The following LRRC28 variants were observed in gnomAD, a reference collection of about 807,000 sequenced individuals.
LRRC28 encodes leucine-rich repeat-containing protein 28.
A neutral mutation model predicts 45.7 loss-of-function variants in LRRC28; 39 were observed. The ratio of observed to expected loss-of-function variants is 0.85; its 90% CI spans 0.66 to 1.12. The LOEUF (loss-of-function observed/expected upper bound fraction) is 1.12. Among genes scored for constraint, LRRC28 ranks in the 50% most tolerant of loss-of-function variants. The probability of loss-of-function intolerance (pLI) is 0.00; values close to 1 mark genes in which losing one functional copy is unlikely to be tolerated. For synonymous variants in LRRC28, 206 were observed against 178.8 expected (o/e 1.15, Z -1.22); for missense variants, 435 against 438.5 (o/e 0.99, Z 0.07).
intron 9 of LRRC28, among the ~76,000 whole-genome samples, chr15:99,381,226 T>C (rs138918906): frequency 1.4e-3 from 207 of 152,288 alleles, no homozygotes; most frequent in African/African-American, 4.1e-3. Context: ...AGGCTTTGTT[T>C]GTTTCTTTTT....
At chr15:99,281,285 C>T (rs2081782084) in intron 3 of LRRC28, among the ~76,000 whole-genome samples, 1 of 151,724 alleles carries the variant, frequency 6.6e-6, no homozygotes, top group African/African-American at 2.4e-5. Flanking sequence ...TACATTGTCA[C>T]CCAGGAGTTA....
intron 5 of LRRC28, among the ~76,000 whole-genome samples, chr15:99,319,404 G>A (rs1193350804): frequency 6.6e-6 from 1 of 152,126 alleles, no homozygotes; most frequent in Admixed American, 6.6e-5. Flanking sequence ...CAGACACAAA[G>A]CGATAACAAA....
At chr15:99,298,704 T>C (rs1259439798) in intron 5 of LRRC28, among the ~76,000 whole-genome samples, 1 of 152,024 alleles carries the variant, frequency 6.6e-6, no homozygotes, top group Non-Finnish European at 1.5e-5. Flanking sequence ...AACCTATTAA[T>C]AAGACTTCAG....
Position 99,389,314 on chromosome 15 carries a change from A to G in LRRC28, c.*3212A>G, listed in dbSNP as rs1446201255. 1 of 152,194 alleles carries G rather than the reference A, an allele frequency of 6.6e-6. No individual in the cohort carries two copies. The highest frequency in any genetic ancestry group is 2.4e-5 in the African/African-American group (1 of 41,434). 9.4% of individuals were successfully genotyped at this position (152,194 alleles called of 1,614,324 possible). A position where few individuals can be genotyped will look rare whatever the true frequency, so the allele number is the denominator to read the frequency against. On this transcript the variant is annotated 3_prime_UTR_variant, in exon 10 of 10. Coordinates refer to ENST00000301981, the MANE Select transcript of LRRC28 (RefSeq NM_144598.5). ...TCTAGGGGGAAAAAAAGGCTTCAAT[A>G]CCAGTTGGCTTATGAGGCTCTGCAT...
intron 6 of LRRC28, among the ~76,000 whole-genome samples, chr15:99,337,472 A>T (rs1433347214): frequency 1.3e-5 from 2 of 152,244 alleles, no homozygotes; most frequent in South Asian, 4.1e-4. Context: ...CATTTTCTGC[A>T]TGCACCATGC....
At chr15:99,351,652 C>G (rs1956883070) in intron 6 of LRRC28, among the ~76,000 whole-genome samples, 1 of 152,168 alleles carries the variant, frequency 6.6e-6, no homozygotes, top group African/African-American at 2.4e-5. Context: ...AGTGCCTGAT[C>G]CCTAATCCTC....
chr15:99,371,060 C>G (rs1008173190), intron 9 of LRRC28, among the ~76,000 whole-genome samples: 4 of 151,194 alleles, frequency 2.6e-5, no homozygotes, highest in African/African-American at 9.8e-5. Flanking sequence ...GAGCTGAGAT[C>G]GCGCCACTGC....
intron 7 of LRRC28, among the ~76,000 whole-genome samples, chr15:99,357,089 T>C (rs73464667): frequency 1.7e-3 from 254 of 152,294 alleles, no homozygotes; most frequent in African/African-American, 5.7e-3. Context: ...AGAAAAACTT[T>C]TTTGCTAAAA....
chr15:99,365,254 A>G (rs1370223199), intron 9 of LRRC28, among the ~76,000 whole-genome samples: 3 of 152,248 alleles, frequency 2.0e-5, no homozygotes, highest in South Asian at 2.1e-4. Context: ...TGACTAATCT[A>G]TTGTTTCAGA....
At chr15:99,291,636 T>A (rs1030991862) in intron 5 of LRRC28, among the ~76,000 whole-genome samples, 2 of 152,238 alleles carry the variant, frequency 1.3e-5, no homozygotes, top group Non-Finnish European at 2.9e-5. Context: ...CTGAGACTTG[T>A]CACATGTTAT....
chr15:99,386,194 G>A lies in LRRC28; in HGVS notation c.*92G>A, dbSNP rs926001792. ...TCTTCCATCCTGTCCTGTCCAATGC[G>A]GGGGCACTGCAGAACTCTCTAGAAA... On this transcript the variant is annotated 3_prime_UTR_variant, in exon 10 of 10. Transcript: ENST00000301981. 3.1e-5 allele frequency: 31 copies of A among 988,826 alleles called. No individual in the cohort carries two copies. The highest frequency in any genetic ancestry group is 1.8e-4 in the African/African-American group (11 of 62,678). 61.3% of individuals were successfully genotyped at this position (988,826 alleles called of 1,614,324 possible). A position where few individuals can be genotyped will look rare whatever the true frequency, so the allele number is the denominator to read the frequency against.
At chr15:99,360,283 C>A (rs1957165856) in intron 7 of LRRC28, among the ~76,000 whole-genome samples, 1 of 152,018 alleles carries the variant, frequency 6.6e-6, no homozygotes. Flanking sequence ...TCCATTTATT[C>A]CAGGTGAGTT....
chr15:99,289,700 G>A (rs1163926009), intron 5 of LRRC28, among the ~76,000 whole-genome samples: 8 of 151,774 alleles, frequency 5.3e-5, no homozygotes, highest in Non-Finnish European at 7.4e-5. Context: ...TTGGGAGGCC[G>A]AGGCGGGTGG....
intron 9 of LRRC28, among the ~76,000 whole-genome samples, chr15:99,380,580 T>C (rs1957788568): frequency 6.6e-6 from 1 of 152,234 alleles, no homozygotes; most frequent in Admixed American, 6.5e-5. Flanking sequence ...GTCATTATGA[T>C]GTTAACTGGT....
chr15:99,320,140 T>G (rs1484474391), intron 5 of LRRC28, among the ~76,000 whole-genome samples: 3 of 152,222 alleles, frequency 2.0e-5, no homozygotes, highest in Non-Finnish European at 4.4e-5. Context: ...CCAAATAATA[T>G]TTAATTATCT....
intron 5 of LRRC28, among the ~76,000 whole-genome samples, chr15:99,289,501 T>C (rs1023471795): frequency 1.3e-5 from 2 of 152,230 alleles, no homozygotes; most frequent in Admixed American, 6.5e-5. Context: ...AAATTATGCA[T>C]GTTAAACCCA....
intron 2 of LRRC28, chr15:99,260,070 A>G (rs1211993184): frequency 4.2e-5 from 22 of 525,166 alleles, no homozygotes; most frequent in South Asian, 3.7e-4. Flanking sequence ...TGTGAAATGT[A>G]AGTCATTTCT....
chr15:99,256,984 T>A (rs183039247), intron 2 of LRRC28, among the ~76,000 whole-genome samples: 248 of 152,344 alleles, frequency 1.6e-3, no homozygotes, highest in African/African-American at 5.8e-3. Context: ...ACTTTGTGAA[T>A]TTACCCATTC....
chr15:99,274,374 T>G (rs1377530395), intron 2 of LRRC28, among the ~76,000 whole-genome samples: 2 of 152,198 alleles, frequency 1.3e-5, no homozygotes, highest in African/African-American at 4.8e-5. Flanking sequence ...TCAGGATTTT[T>G]TAAAAGCTAG....
Sources: gnomAD v4.1 joint callset for allele counts (sites outside exome capture counted in the v4.1 genomes callset) on GRCh38, gnomAD v4.1.1 for gene constraint, MANE v1.5 for transcripts, NCBI Gene and HGNC (gene_info 2026-07-23, HGNC 2026-07-21) for gene names.